Variants in CNTN5 observed in about 807,000 individuals in gnomAD.
The protein encoded by CNTN5 is contactin 5, also known as contactin-5.
Under a neutral mutation model 129.1 loss-of-function variants are expected in CNTN5, and 77 were observed. The observed-to-expected ratio is 0.60, with a 90% confidence interval of 0.50 to 0.72. CNTN5 has a LOEUF of 0.72. Among genes scored for constraint, CNTN5 ranks in the 30% least tolerant of loss-of-function variants. CNTN5 has a pLI of 0.00. For missense variants in CNTN5, 1,478 were observed against 1,328.8 expected, an observed-to-expected ratio of 1.11 and a Z score of -1.75; for synonymous variants, 509 against 465.6, an observed-to-expected ratio of 1.09 and a Z score of -1.20.
chr11:99,566,057 G>A (rs1012042004), intron 3 of CNTN5, among the ~76,000 whole-genome samples: 6 of 152,184 alleles, frequency 3.9e-5, no homozygotes, highest in Non-Finnish European at 8.8e-5. Context: ...TTTGTCTTCT[G>A]CAAATCTCGT....
intron 1 of CNTN5, among the ~76,000 whole-genome samples, chr11:99,181,659 G>A (rs61891558): frequency 0.033 from 4,976 of 152,188 alleles, 90 homozygotes; most frequent in South Asian, 0.048. Flanking sequence ...AAAAATGGAG[G>A]GGAGGATGCA....
At chr11:99,737,763 C>T (rs1173359630) in intron 3 of CNTN5, among the ~76,000 whole-genome samples, 1 of 152,020 alleles carries the variant, frequency 6.6e-6, no homozygotes, top group East Asian at 1.9e-4. Context: ...AAACTATTTC[C>T]TGAGTCCCTA....
intron 3 of CNTN5, among the ~76,000 whole-genome samples, chr11:99,602,898 G>T (rs1950361159): frequency 8.2e-6 from 1 of 121,354 alleles, no homozygotes; most frequent in African/African-American, 3.2e-5. Context: ...CTGTCTGTTA[G>T]AAGGAAAACT....
intron 17 of CNTN5, among the ~76,000 whole-genome samples, chr11:100,265,337 A>G (rs181694419): frequency 7.2e-4 from 109 of 152,202 alleles, no homozygotes; most frequent in African/African-American, 1.9e-3. Context: ...AGCTGTCCAC[A>G]AGGTTTGCAT....
intron 23 of CNTN5, among the ~76,000 whole-genome samples, chr11:100,341,576 A>G (rs1191038991): frequency 6.6e-6 from 1 of 152,162 alleles, no homozygotes; most frequent in Non-Finnish European, 1.5e-5. Context: ...GTTTTAGTGG[A>G]AAGTCTTTCT....
chr11:99,156,709 A>T (rs4237598), intron 1 of CNTN5, among the ~76,000 whole-genome samples: 130,844 of 151,920 alleles, frequency 0.86, 56,751 homozygotes, highest in East Asian at 0.99. Context: ...CTATCTGAGG[A>T]TAATATATGC....
At chr11:100,035,798 G>C (rs1268558577) in intron 9 of CNTN5, among the ~76,000 whole-genome samples, 1 of 151,718 alleles carries the variant, frequency 6.6e-6, no homozygotes, top group African/African-American at 2.4e-5. Flanking sequence ...CATATCCTTT[G>C]CCCACTTTTT....
At chr11:100,049,612 G>A (rs10894349) in intron 9 of CNTN5, among the ~76,000 whole-genome samples, 92,041 of 151,838 alleles carry the variant, frequency 0.61, 28,440 homozygotes, top group East Asian at 0.94. Flanking sequence ...ACAAAAGCCA[G>A]AATTGACAAA....
At chr11:99,147,675 T>C (rs1859854301) in intron 1 of CNTN5, among the ~76,000 whole-genome samples, 1 of 152,208 alleles carries the variant, frequency 6.6e-6, no homozygotes, top group African/African-American at 2.4e-5. Context: ...GAGCTGCTGA[T>C]TGTGATTATT....
chr11:99,957,527 T>C (rs1334029060), intron 8 of CNTN5, among the ~76,000 whole-genome samples: 1 of 152,196 alleles, frequency 6.6e-6, no homozygotes, highest in Admixed American at 6.6e-5. Context: ...TCTATAATTA[T>C]AGTATTGCCA....
chr11:99,540,755 AC>A (rs1948075076), intron 2 of CNTN5, among the ~76,000 whole-genome samples: 1 of 152,072 alleles, frequency 6.6e-6, no homozygotes, highest in Non-Finnish European at 1.5e-5. Context: ...TGTCTTTCTC[AC>A]TATTATATCT....
intron 3 of CNTN5, among the ~76,000 whole-genome samples, chr11:99,691,375 G>C (rs1236610063): frequency 6.6e-6 from 1 of 152,052 alleles, no homozygotes; most frequent in Non-Finnish European, 1.5e-5. Context: ...GCTTTTTAAT[G>C]TGGGCTTTTA....
chr11:100,081,027 G>A (rs766445162), intron 13 of CNTN5, among the ~76,000 whole-genome samples: 1 of 152,096 alleles, frequency 6.6e-6, no homozygotes, highest in Non-Finnish European at 1.5e-5. Context: ...GGATGAGAAG[G>A]AAATGGCCTT....
At chr11:99,380,529 G>A (rs2136157203) in intron 2 of CNTN5, among the ~76,000 whole-genome samples, 1 of 152,184 alleles carries the variant, frequency 6.6e-6, no homozygotes, top group Middle Eastern at 3.4e-3. Flanking sequence ...CAGCACTTCG[G>A]GAGGCTGAGG....
At chr11:100,337,348 A>G in intron 21 of CNTN5, 1 of 839,818 alleles carries the variant, frequency 1.2e-6, no homozygotes. Flanking sequence ...TGATCGATGC[A>G]CACATGATCA....
At chr11:99,356,009 G>T (rs1314737335) in intron 2 of CNTN5, among the ~76,000 whole-genome samples, 1 of 151,786 alleles carries the variant, frequency 6.6e-6, no homozygotes, top group Non-Finnish European at 1.5e-5. Context: ...TGTATTTTTA[G>T]TAGAGACGGG....
chr11:99,658,599 C>A lies in CNTN5; in HGVS notation c.55+102330C>A, dbSNP rs779768604. On this transcript the variant is annotated intron_variant, in intron 3 of 24. Transcript: ENST00000524871. ...ATAAATGTAACCAGTGGGCCTAGCG[C>A]AGAGGCTCATGCCTGTAATCCCAGC... Among the ~76,000 whole-genome samples, 49 of 151,794 alleles carry A rather than the reference C, an allele frequency of 3.2e-4. 1 individual carries two copies. The highest frequency in any genetic ancestry group is 1.7e-3 in the Admixed American group (26 of 15,206).
chr11:99,946,054 C>T (rs920447388), intron 7 of CNTN5, among the ~76,000 whole-genome samples: 6 of 152,076 alleles, frequency 3.9e-5, no homozygotes, highest in African/African-American at 1.4e-4. Flanking sequence ...TGTGCAGTCA[C>T]AATTTCTTTG....
At chr11:99,595,986 G>A (rs200921855) in intron 3 of CNTN5, among the ~76,000 whole-genome samples, 2 of 151,992 alleles carry the variant, frequency 1.3e-5, no homozygotes, top group Non-Finnish European at 2.9e-5. Context: ...TACAGACTCC[G>A]AAATTTGCAT....
Sources: allele counts gnomAD v4.1 joint callset (sites outside exome capture counted in the v4.1 genomes callset), GRCh38; gene constraint gnomAD v4.1.1; transcripts MANE v1.5; gene names NCBI Gene and HGNC (gene_info 2026-07-23, HGNC 2026-07-21).